The following CAPN13 variants were observed in gnomAD, a reference collection of about 807,000 sequenced individuals.
CAPN13 encodes calpain-13.
A neutral mutation model predicts 98.4 loss-of-function variants in CAPN13; 90 were observed. The observed-to-expected ratio is 0.92, with a 90% confidence interval of 0.77 to 1.09. CAPN13 has a LOEUF of 1.09. Among genes scored for constraint, CAPN13 ranks in the 50% least tolerant of loss-of-function variants. The pLI, the probability that CAPN13 is intolerant of heterozygous loss-of-function variation, is 0.00. For missense variants in CAPN13, 887 were observed against 841.3 expected (o/e 1.05, Z -0.67); for synonymous variants, 330 against 305.5 (o/e 1.08, Z -0.84).
At chr2:30,729,957 A>G (rs1671004378) in intron 22 of CAPN13, 1 of 152,230 alleles carries the variant, frequency 6.6e-6, no homozygotes, top group South Asian at 2.1e-4. Context: ...ATCCTCAAAT[A>G]TTTGTAGGTC....
Position 30,787,088 on chromosome 2 carries a change from G to A in CAPN13, c.198+40C>T. On this transcript the variant is annotated intron_variant, in intron 2 of 22. Transcript: ENST00000295055. ...GAGGTGCCATGGCAGGCGACTCCGA[G>A]GACCCTGGAGCTGGGTATGCTCGTG... is the stretch of plus-strand genomic sequence containing the variant. 2.0e-6 allele frequency: 3 copies of A among 1,474,146 alleles called. No homozygotes were observed. In the South Asian group the frequency reaches 4.1e-5, roughly 20 times the overall value. 91.3% of individuals were successfully genotyped at this position (1,474,146 alleles called of 1,614,324 possible). A position where few individuals can be genotyped will look rare whatever the true frequency, so the allele number is the denominator to read the frequency against.
intron 11 of CAPN13, among the ~76,000 whole-genome samples, chr2:30,749,215 T>G (rs1038862521): frequency 1.3e-5 from 2 of 152,214 alleles, no homozygotes; most frequent in South Asian, 2.1e-4. Context: ...AATCCAAAAC[T>G]TTTTGAACAC....
At chr2:30,761,360 G>A (rs1425132606) in intron 7 of CAPN13, among the ~76,000 whole-genome samples, 2 of 152,166 alleles carry the variant, frequency 1.3e-5, no homozygotes, top group South Asian at 2.1e-4. Flanking sequence ...AAATGTTCGA[G>A]CTGTGGGTGT....
intron 2 of CAPN13, among the ~76,000 whole-genome samples, chr2:30,778,067 T>A (rs550133965): frequency 1.3e-5 from 2 of 152,334 alleles, no homozygotes; most frequent in South Asian, 4.1e-4. Context: ...AAATGGTATA[T>A]CTCAGAAATT....
intron 5 of CAPN13, among the ~76,000 whole-genome samples, chr2:30,768,552 C>T (rs1188850851): frequency 1.3e-5 from 2 of 152,180 alleles, no homozygotes. Context: ...GAGTCCCTGC[C>T]CCTGGGCCTC....
intron 8 of CAPN13, among the ~76,000 whole-genome samples, chr2:30,756,275 GC>G (rs1255104760): frequency 6.6e-6 from 1 of 152,050 alleles, no homozygotes; most frequent in East Asian, 1.9e-4. Flanking sequence ...CGGCTTGTTG[GC>G]CCGGAACAGA....
chr2:30,775,119 T>C lies in CAPN13; in HGVS notation c.387+811A>G, dbSNP rs13388976. The stretch of plus-strand genomic sequence containing the variant: ...GATAACTAAACCATTCCAGATTCTG[T>C]TAAAGAAAGAATTAAGAACTAATAA... On this transcript the variant is annotated intron_variant, in intron 4 of 22. Coordinates refer to ENST00000295055, the MANE Select transcript of CAPN13 (RefSeq NM_144575.3). Among the ~76,000 whole-genome samples, 1,141 of 152,298 alleles carry C rather than the reference T, an allele frequency of 7.5e-3. 16 individuals are homozygous for C. The highest frequency in any genetic ancestry group is 0.025 in the African/African-American group (1,045 of 41,574).
At chr2:30,759,150 C>CCTAAT (rs1553313303) in intron 7 of CAPN13, among the ~76,000 whole-genome samples, 1 of 134,264 alleles carries the variant, frequency 7.4e-6, no homozygotes, top group Non-Finnish European at 1.6e-5. Flanking sequence ...TCTTCCCCTT[C>CCTAAT]CTTTTTTCCT....
chr2:30,775,673 A>C (rs1015507730), intron 4 of CAPN13, among the ~76,000 whole-genome samples: 8 of 152,230 alleles, frequency 5.3e-5, no homozygotes, highest in Admixed American at 5.2e-4. Context: ...TGTTAGTTAC[A>C]GGGTTCTCGA....
chr2:30,802,939 A>G (rs1675375428), intron 1 of CAPN13, among the ~76,000 whole-genome samples: 2 of 152,154 alleles, frequency 1.3e-5, no homozygotes, highest in Admixed American at 1.3e-4. Flanking sequence ...GACAGGTCTG[A>G]GGGGATGGCA....
intron 2 of CAPN13, among the ~76,000 whole-genome samples, chr2:30,783,391 G>C (rs189744846): frequency 2.0e-5 from 3 of 152,258 alleles, no homozygotes; most frequent in African/African-American, 7.2e-5. Context: ...GGCTGGGGGA[G>C]GGGGAGGGCT....
chr2:30,732,845 G>A (rs1671174088), intron 19 of CAPN13, among the ~76,000 whole-genome samples: 1 of 152,184 alleles, frequency 6.6e-6, no homozygotes, highest in African/African-American at 2.4e-5. Flanking sequence ...TAATGGGAGA[G>A]CTGCTGGGAC....
intron 8 of CAPN13, among the ~76,000 whole-genome samples, chr2:30,756,359 TCATACTTCCTCTGCCA>T (rs1341725761): frequency 6.6e-6 from 1 of 151,980 alleles, no homozygotes. Context: ...CTGAAGTGAG[TCATACTTCCTCTGCCA>T]CAAGGCCAAC....
chr2:30,760,659 C>T (rs1057169782), intron 7 of CAPN13, among the ~76,000 whole-genome samples: 9 of 152,224 alleles, frequency 5.9e-5, no homozygotes, highest in Non-Finnish European at 1.3e-4. Context: ...TTAATCTTAG[C>T]ACTTGTGGTT....
At chr2:30,779,912 G>A (rs542569585) in intron 2 of CAPN13, among the ~76,000 whole-genome samples, 1 of 152,146 alleles carries the variant, frequency 6.6e-6, no homozygotes, top group African/African-American at 2.4e-5. Context: ...TAATATTTGA[G>A]GGAGGGTTAC....
At chr2:30,736,749 T>A in intron 17 of CAPN13, 178 bp from the exon 18 acceptor site, 1 of 601,094 alleles carries the variant, frequency 1.7e-6, no homozygotes, top group Non-Finnish European at 3.0e-6. Flanking sequence ...TGGCTTAGAT[T>A]TGTTTTACAA....
intron 7 of CAPN13, 83 bp downstream of exon 7, chr2:30,762,999 G>A: frequency 8.9e-7 from 1 of 1,126,954 alleles, no homozygotes; most frequent in Non-Finnish European, 1.3e-6. Flanking sequence ...GGGCTTTCAT[G>A]TGATTCTGGC....
chr2:30,738,141 GA>G, intron 17 of CAPN13, 93 bp downstream of exon 17: 3 of 1,348,790 alleles, frequency 2.2e-6, no homozygotes, highest in East Asian at 2.4e-5. Context: ...TACTGAGTGG[GA>G]AAAGGGTTCC....
intron 5 of CAPN13, among the ~76,000 whole-genome samples, chr2:30,765,184 C>T (rs1037029598): frequency 7.9e-5 from 12 of 152,264 alleles, no homozygotes; most frequent in African/African-American, 1.9e-4. Flanking sequence ...ATGCAGGGGC[C>T]GGACAGTTAG....
Sources: allele counts gnomAD v4.1 joint callset (sites outside exome capture counted in the v4.1 genomes callset), GRCh38; gene constraint gnomAD v4.1.1; transcripts MANE v1.5; gene names NCBI Gene and HGNC (gene_info 2026-07-23, HGNC 2026-07-21).